NLRP4: variants seen among roughly 807,000 people sequenced by gnomAD.
NLRP4 encodes the protein NLR family pyrin domain containing 4, also known as NACHT, LRR and PYD domains-containing protein 4.
In NLRP4, 44 loss-of-function variants were observed where a neutral mutation model predicts 84.7. That is an observed-to-expected ratio of 0.52 (90% CI 0.41 to 0.67). The LOEUF is 0.67. NLRP4 is among the 30% of genes least tolerant of loss of function. NLRP4 has a pLI of 0.00. For missense variants in NLRP4, 1,260 were observed against 1,219.4 expected, an observed-to-expected ratio of 1.03 and a Z score of -0.50; for synonymous variants, 544 against 476.4, an observed-to-expected ratio of 1.14 and a Z score of -1.85.
At position 55,844,326 on chromosome 19, in the gene NLRP4, C is replaced by T. The variant is rs1480213316; in HGVS notation, c.-66+7392C>T. 3.3e-5 allele frequency among the ~76,000 whole-genome samples: 5 copies of T among 152,044 alleles called. No individual in the cohort carries two copies. In the East Asian group the frequency reaches 9.6e-4, roughly 29 times the overall value. Reference sequence around the variant, plus strand: ...CGAGATGGAGTCTCACTTTATTGCCCAGGCTGGAGTGCAGTGGCATGATCT... The same window carrying T: ...CGAGATGGAGTCTCACTTTATTGCCTAGGCTGGAGTGCAGTGGCATGATCT... On this transcript the variant is annotated intron_variant, in intron 1 of 9. Transcript: ENST00000301295.
intron 2 of NLRP4, 46 bp downstream of exon 2, chr19:55,852,406 T>TA: frequency 3.0e-6 from 4 of 1,342,002 alleles, no homozygotes; most frequent in Non-Finnish European, 4.1e-6. Flanking sequence ...ATGAGGACTA[T>TA]GTCCTAATTT....
At position 55,853,913 on chromosome 19, in the gene NLRP4, T is replaced by C. The variant is rs866673194; in HGVS notation, c.280+1553T>C. On this transcript the variant is annotated intron_variant, in intron 2 of 9. Coordinates refer to ENST00000301295, the MANE Select transcript of NLRP4 (RefSeq NM_134444.5). ...TTTCTCTCTCTCTCTCTCTTTCTCT[T>C]TCTTTCTCTTTCTCTTTCTCTCTCT... Among the ~76,000 whole-genome samples, 117 of 139,624 alleles carry C rather than the reference T, an allele frequency of 8.4e-4. 13 individuals are homozygous for C. Among genetic ancestry groups the C allele is most frequent in the African/African-American group, 3.3e-3 (112 of 33,586 alleles). The allele number at this position is 139,624 out of a possible 152,430, so 91.6% of individuals were successfully genotyped here.
At chr19:55,879,850 T>A (rs1000643681) in intron 9 of NLRP4, among the ~76,000 whole-genome samples, 4 of 152,048 alleles carry the variant, frequency 2.6e-5, no homozygotes, top group African/African-American at 9.7e-5. Flanking sequence ...CAAATTATGA[T>A]ACATGTTTAT....
intron 5 of NLRP4, among the ~76,000 whole-genome samples, chr19:55,864,965 T>A (rs933904164): frequency 6.6e-6 from 1 of 152,164 alleles, no homozygotes; most frequent in African/African-American, 2.4e-5. Context: ...TTTAAACATT[T>A]AAAAATTTTA....
intron 7 of NLRP4, among the ~76,000 whole-genome samples, chr19:55,872,690 G>A (rs1340918968): frequency 6.6e-6 from 1 of 152,086 alleles, no homozygotes; most frequent in Non-Finnish European, 1.5e-5. Flanking sequence ...AATCATAGAA[G>A]AGGGTATAAG....
intron 7 of NLRP4, 70 bp downstream of exon 7, chr19:55,871,067 A>T (rs1228402503): frequency 1.5e-6 from 2 of 1,359,466 alleles, no homozygotes; most frequent in Non-Finnish European, 2.1e-6. Context: ...AGAATGGGGC[A>T]TCTGGAATTG....
Position 55,871,001 on chromosome 19 carries a change from G to T in NLRP4, c.2525+4G>T, listed in dbSNP as rs1360608136. The T allele has an allele frequency of 6.2e-7, 1 of 1,612,876 alleles. No homozygotes were observed. The highest frequency in any genetic ancestry group is 8.5e-7 in the Non-Finnish European group (1 of 1,179,022). ...ACTGCTGCCTGGATTCACTGTGGTA[G>T]GCTTTTTGCTGTTTCTTTGAAGACC... On this transcript the variant is annotated splice_donor_region_variant and intron_variant, in intron 7 of 9. Coordinates refer to ENST00000301295, the MANE Select transcript of NLRP4 (RefSeq NM_134444.5).
At chr19:55,846,842 G>C (rs450838) in intron 1 of NLRP4, among the ~76,000 whole-genome samples, 56,556 of 152,012 alleles carry the variant, frequency 0.37, 14,307 homozygotes, top group African/African-American at 0.72. Flanking sequence ...GCAAAAGCAC[G>C]CAGGGGAGAA....
rs186429159 is a variant in NLRP4, at chr19:55,849,798, G to A, written c.-65-2218G>A. 6.3e-3 allele frequency among the ~76,000 whole-genome samples: 946 copies of A among 149,666 alleles called. 8 individuals are homozygous for A. Among genetic ancestry groups the A allele is most frequent in the Middle Eastern group, 0.01 (3 of 286 alleles). ...GCTGCGGTGTAATTTCCAAAGCTGCGGTGTAATTTCCAAAGCTGCGGTGTA... is the reference window on the plus strand; with the variant it reads ...GCTGCGGTGTAATTTCCAAAGCTGCAGTGTAATTTCCAAAGCTGCGGTGTA... On this transcript the variant is annotated intron_variant, in intron 1 of 9. Coordinates refer to ENST00000301295, the MANE Select transcript of NLRP4 (RefSeq NM_134444.5).
At chr19:55,849,068 G>C (rs948720462) in intron 1 of NLRP4, among the ~76,000 whole-genome samples, 5 of 152,170 alleles carry the variant, frequency 3.3e-5, no homozygotes, top group Non-Finnish European at 7.3e-5. Flanking sequence ...CTTGGGTAAT[G>C]TCTCTATCAG....
In NLRP4 at chr19:55,858,290, C is replaced by G; in HGVS notation, c.897C>G (p.Pro299=). ...TGACGATCTCAGAAATCTACCAGCC[C>G]CGGGGATTCAACGAGAGTGATAGGT... ...DQVTISEIYQ[P]RGFNESDRLV... The change falls in exon 3 of 10, where the codon CCC becomes CCG. Residue 299 remains proline, a synonymous_variant. Coordinates refer to ENST00000301295, the MANE Select transcript of NLRP4 (RefSeq NM_134444.5). This position sits in a 1 kb window ranked among gnomAD's most constrained non-coding sequence, Gnocchi z 4.2. 1 of 1,614,152 alleles carries G rather than the reference C, an allele frequency of 6.2e-7. No individual in the cohort carries two copies. Among genetic ancestry groups the G allele is most frequent in the Middle Eastern group, 1.6e-4 (1 of 6,062 alleles).
rs1475241522 is a variant in NLRP4, at chr19:55,870,869, C to T, written c.2397C>T (p.Ile799=). 5.6e-6 allele frequency: 9 copies of T among 1,614,002 alleles called. No individual in the cohort carries two copies. Among genetic ancestry groups the T allele is most frequent in the Non-Finnish European group, 7.6e-6 (9 of 1,179,954 alleles). The change falls in exon 7 of 10, where the codon ATC becomes ATT. Residue 799 remains isoleucine (I), a synonymous_variant. Transcript: ENST00000301295. The stretch of plus-strand genomic sequence containing the variant: ...TCAGCGAGCAGTGCTGCGAATACAT[C>T]TCTGAAATGCTTCTGCGTAACAAGA... ...CHLSEQCCEY[I]SEMLLRNKSV... is the part of the protein sequence containing the mutation.
At chr19:55,855,655 C>T (rs977073565) in intron 2 of NLRP4, among the ~76,000 whole-genome samples, 3 of 152,216 alleles carry the variant, frequency 2.0e-5, no homozygotes, top group Non-Finnish European at 4.4e-5. Context: ...AACTATTATG[C>T]GGGGCATAGG....
Position 55,857,962 on chromosome 19 carries a change from G to A in NLRP4, c.569G>A (p.Cys190Tyr). The A allele has an allele frequency of 3.1e-6, 5 of 1,614,138 alleles. No homozygotes were observed. The highest frequency in any genetic ancestry group is 4.2e-6 in the Non-Finnish European group (5 of 1,180,006). The change falls in exon 3 of 10, where the codon TGC becomes TAC. Residue 190 changes from cysteine to tyrosine, a missense_variant. This residue lies in a region of NLRP4 where 712 missense variants were observed against 669.2 expected (regional missense o/e 1.06). Transcript: ENST00000301295. ...TTCCTGTACACGTTCTATTTCTGCTGCAGAGAACTGAGGGAGTTGCCGCCA... is the reference window on the plus strand; with the variant it reads ...TTCCTGTACACGTTCTATTTCTGCTACAGAGAACTGAGGGAGTTGCCGCCA... ...DRFLYTFYFCCRELRELPPTS... is the reference protein window; with the variant it reads ...DRFLYTFYFCYRELRELPPTS...
intron 9 of NLRP4, among the ~76,000 whole-genome samples, chr19:55,880,192 G>A (rs1985534990): frequency 6.6e-6 from 1 of 151,628 alleles, no homozygotes; most frequent in Non-Finnish European, 1.5e-5. Context: ...TCCATTTTGT[G>A]AAGATACAGG....
At chr19:55,857,325 ATGTGTGTGTGTGTGTG>A (rs35115500) in intron 2 of NLRP4, 2 of 261,700 alleles carry the variant, frequency 7.6e-6, no homozygotes, top group South Asian at 1.6e-4. Context: ...GTAGCAATGA[ATGTGTGTGTGTGTGTG>A]TGTGTGTGTG....
chr19:55,860,095 C>T (rs1348255265), intron 3 of NLRP4, among the ~76,000 whole-genome samples: 2 of 151,306 alleles, frequency 1.3e-5, no homozygotes. Context: ...ACGCCATTCT[C>T]CTGCCTCGGC....
rs45557041 is a variant in NLRP4, at chr19:55,836,603, G to A, written c.-397G>A. 6.6e-6 allele frequency: 1 copy of A among 152,422 alleles called. No individual in the cohort carries two copies. 9.4% of individuals were successfully genotyped at this position (152,422 alleles called of 1,614,324 possible). The stretch of plus-strand genomic sequence containing the variant: ...GTGCTGGGCTGTTCGTCTCTTCTAT[G>A]TGCTGATTTCCTGGGTTACTTTGGG... On this transcript the variant is annotated 5_prime_UTR_variant, in exon 1 of 10. In the 5' UTR this introduces an upstream ATG that the reference lacks. Coordinates refer to ENST00000301295, the MANE Select transcript of NLRP4 (RefSeq NM_134444.5).
intron 1 of NLRP4, among the ~76,000 whole-genome samples, chr19:55,850,587 T>TCCGTGGCTGCGGTGTAATG (rs1984054275): frequency 5.1e-5 from 3 of 59,110 alleles, no homozygotes; most frequent in East Asian, 4.3e-4. Flanking sequence ...GCGGTGTAAT[T>TCCGTGGCTGCGGTGTAATG]TCCGTGGCTG....
Sources: allele counts gnomAD v4.1 joint callset (sites outside exome capture counted in the v4.1 genomes callset), GRCh38; gene constraint gnomAD v4.1.1; regional missense constraint gnomAD v4.1.1; non-coding constraint Gnocchi (gnomAD v3.1); transcripts MANE v1.5; gene names NCBI Gene and HGNC (gene_info 2026-07-23, HGNC 2026-07-21).